CCNF: variants seen among roughly 807,000 people sequenced by gnomAD.
CCNF encodes the protein cyclin F, also known as cyclin-F.
A neutral mutation model predicts 85.4 loss-of-function variants in CCNF; 30 were observed. The observed-to-expected ratio is 0.35, with a 90% CI of 0.26 to 0.48. The LOEUF (loss-of-function observed/expected upper bound fraction) is 0.48. Among genes scored for constraint, CCNF ranks in the 20% least tolerant of loss-of-function variants. The pLI is 0.99. For missense variants in CCNF, 919 were observed against 1,010.4 expected (o/e 0.91, Z 1.23); for synonymous variants, 439 against 425.1 (o/e 1.03, Z -0.40).
At position 2,452,933 on chromosome 16, in the gene CCNF, C is replaced by T. The variant is rs542353558; in HGVS notation, c.1488-277C>T. 3.6e-5 allele frequency: 18 copies of T among 500,674 alleles called. No homozygotes were observed. Among genetic ancestry groups the T allele is most frequent in the South Asian group, 9.2e-5 (4 of 43,428 alleles). 31.0% of individuals were successfully genotyped at this position (500,674 alleles called of 1,614,324 possible). A position where few individuals can be genotyped will look rare whatever the true frequency, so the allele number is the denominator to read the frequency against. On this transcript the variant is annotated intron_variant, in intron 13 of 16. Coordinates refer to ENST00000397066, the MANE Select transcript of CCNF (RefSeq NM_001761.3). The surrounding 1 kb of genome is among the most constrained non-coding windows in gnomAD (Gnocchi z 4.1). ...ATGGACCACATGTGTTTATCCATCCCGCAGCTGGTGGACATTTTGCCTATT... is the reference window on the plus strand; with the variant it reads ...ATGGACCACATGTGTTTATCCATCCTGCAGCTGGTGGACATTTTGCCTATT...
chr16:2,432,949 G>A lies in CCNF; in HGVS notation c.172-12G>A, dbSNP rs771206972. On this transcript the variant is annotated splice_polypyrimidine_tract_variant and intron_variant, in intron 2 of 16. Transcript: ENST00000397066. ...CCTCCATCACCCAGCCCCGGCCCCC[G>A]TTGTTCTGCAGGTACACTCCCAGCT... is the stretch of plus-strand genomic sequence containing the variant. 44 of 1,564,710 alleles carry A rather than the reference G, an allele frequency of 2.8e-5. No individual in the cohort carries two copies. Among genetic ancestry groups the A allele is most frequent in the Admixed American group, 1.5e-4 (9 of 59,098 alleles).
rs1596935962 is a variant in CCNF, at chr16:2,458,096, G to C, written c.*1076G>C. The C allele has an allele frequency of 1.3e-5, 2 of 152,288 alleles. No homozygotes were observed. Among genetic ancestry groups the C allele is most frequent in the South Asian group, 2.1e-4 (1 of 4,828 alleles). 9.4% of individuals were successfully genotyped at this position (152,288 alleles called of 1,614,324 possible). ...TGCTCCTGCATGGAAAGGGAGCCTG[G>C]GAGCCAGCAGCCCACGCCTGGGGAG... On this transcript the variant is annotated 3_prime_UTR_variant, in exon 17 of 17. Transcript: ENST00000397066.
intron 3 of CCNF, among the ~76,000 whole-genome samples, chr16:2,434,170 G>A (rs1210244903): frequency 6.6e-6 from 1 of 152,058 alleles, no homozygotes. Flanking sequence ...GCTGGATGCG[G>A]TGATGGGCAC....
intron 10 of CCNF, among the ~76,000 whole-genome samples, chr16:2,446,594 C>T (rs923653651): frequency 2.0e-5 from 3 of 152,188 alleles, no homozygotes; most frequent in African/African-American, 4.8e-5. Context: ...CTACATTTCC[C>T]GAGGAAGTGC....
At position 2,451,676 on chromosome 16, in the gene CCNF, G is replaced by A. The variant is rs572589334; in HGVS notation, c.1488-1534G>A. On this transcript the variant is annotated intron_variant, in intron 13 of 16. Transcript: ENST00000397066. This position sits in a 1 kb window ranked among gnomAD's most constrained non-coding sequence, Gnocchi z 4.3. ...AGGGATTCTTTTGTGTCAGCCTCCC[G>A]AGTAGCAGAAACCACAGGCACCAGC... Among the ~76,000 whole-genome samples the A allele has an allele frequency of 1.5e-4, 23 of 152,174 alleles. No individual in the cohort carries two copies. In the South Asian group the frequency reaches 1.9e-3, roughly 12 times the overall value.
intron 10 of CCNF, among the ~76,000 whole-genome samples, chr16:2,447,338 A>G (rs1341980276): frequency 6.7e-6 from 1 of 148,758 alleles, no homozygotes; most frequent in Non-Finnish European, 1.5e-5. Context: ...TAATCCCAGC[A>G]CTTTGGGAGG....
chr16:2,449,184 A>T, intron 11 of CCNF, 98 bp from the exon 12 acceptor site: 1 of 1,501,246 alleles, frequency 6.7e-7, no homozygotes, highest in Non-Finnish European at 9.3e-7. Context: ...CATCGGCGTG[A>T]ACATCATCCG....
intron 8 of CCNF, among the ~76,000 whole-genome samples, chr16:2,441,437 C>T (rs1031921170): frequency 1.3e-5 from 2 of 151,980 alleles, no homozygotes. Context: ...ACGTAGTTCT[C>T]GTGGAAGTTC....
At chr16:2,448,633 C>T (rs544740302) in intron 10 of CCNF, among the ~76,000 whole-genome samples, 8 of 152,246 alleles carry the variant, frequency 5.3e-5, no homozygotes, top group Admixed American at 1.3e-4. Flanking sequence ...AGGGTGGTCT[C>T]GAACTCCTGG....
In CCNF at chr16:2,458,222, G is replaced by C. The variant is rs1035171586; in HGVS notation, c.*1202G>C. 1.3e-5 allele frequency: 2 copies of C among 150,718 alleles called. No individual in the cohort carries two copies. The highest frequency in any genetic ancestry group is 4.9e-5 in the African/African-American group (2 of 40,898). The allele number at this position is 150,718 out of a possible 1,614,324, so 9.3% of individuals were successfully genotyped here. A position where few individuals can be genotyped will look rare whatever the true frequency, so the allele number is the denominator to read the frequency against. ...CTGTTTACTCTGCAAATGTAAGAAA[G>C]AACCACTTGGCCAGAAGTGTCCCCC... On this transcript the variant is annotated 3_prime_UTR_variant, in exon 17 of 17. Transcript: ENST00000397066.
At chr16:2,429,545 C>T in intron 1 of CCNF, 48 bp downstream of exon 1, 1 of 1,226,700 alleles carries the variant, frequency 8.2e-7, no homozygotes. Context: ...ACCCCTTCTG[C>T]CTGCCCTGCG....
chr16:2,444,279 C>A (rs549260639), intron 9 of CCNF, among the ~76,000 whole-genome samples: 1 of 150,786 alleles, frequency 6.6e-6, no homozygotes, highest in South Asian at 2.1e-4. Flanking sequence ...AAGAAAATAT[C>A]CTACTCTGCT....
In CCNF at chr16:2,439,427, C is replaced by T. The variant is rs2065309300; in HGVS notation, c.669C>T (p.Tyr223=). ...AAHQGCLTSS[Y]LLWESDRRTD... The stretch of plus-strand genomic sequence containing the variant: ...ATCAGGGATGTCTGACCAGCTCCTA[C>T]CTCCTCTGGGAAAGCGACAGGAGGA... Residue 223 remains tyrosine, a synonymous_variant, in exon 7 of 17, where the codon TAC becomes TAT. Coordinates refer to ENST00000397066, the MANE Select transcript of CCNF (RefSeq NM_001761.3). 1 of 1,610,910 alleles carries T rather than the reference C, an allele frequency of 6.2e-7. No homozygotes were observed. The highest frequency in any genetic ancestry group is 8.5e-7 in the Non-Finnish European group (1 of 1,178,952).
rs1241822588 is a variant in CCNF, at chr16:2,451,150, G to C, written c.1487+1235G>C. ...TGCAGTTCATGAAGTCCCTACCGTG[G>C]TCCAGGCGCTGGGGGAGAGGGCAGG... On this transcript the variant is annotated intron_variant, in intron 13 of 16. Coordinates refer to ENST00000397066, the MANE Select transcript of CCNF (RefSeq NM_001761.3). This position sits in a 1 kb window ranked among gnomAD's most constrained non-coding sequence, Gnocchi z 4.3. Among the ~76,000 whole-genome samples, 1 of 152,246 alleles carries C rather than the reference G, an allele frequency of 6.6e-6. No homozygotes were observed.
At chr16:2,443,991 C>T (rs2065347121) in intron 9 of CCNF, among the ~76,000 whole-genome samples, 191 bp downstream of exon 9, 1 of 151,278 alleles carries the variant, frequency 6.6e-6, no homozygotes, top group African/African-American at 2.4e-5. Flanking sequence ...GCGATCTCAG[C>T]TCACTGCAAG....
At chr16:2,443,104 TATATA>T (rs1447503446) in intron 8 of CCNF, among the ~76,000 whole-genome samples, 38 of 132,532 alleles carry the variant, frequency 2.9e-4, no homozygotes, top group South Asian at 8.6e-4. Flanking sequence ...GATATTTTTA[TATATA>T]ATATATTACA....
chr16:2,445,422 G>T (rs376261035), intron 9 of CCNF, 36 bp from the exon 10 acceptor site: 3 of 1,610,646 alleles, frequency 1.9e-6, no homozygotes, highest in South Asian at 2.2e-5. Context: ...CATGGAGAAC[G>T]CCCCCACCAG....
chr16:2,451,428 C>T lies in CCNF; in HGVS notation c.1487+1513C>T, dbSNP rs1018545784. 3.3e-5 allele frequency among the ~76,000 whole-genome samples: 5 copies of T among 152,144 alleles called. No individual in the cohort carries two copies. In the East Asian group the frequency reaches 5.8e-4, roughly 18 times the overall value. ...GAATTTGTACCCGGCCAGCCATCTC[C>T]GTCTCCCCTCCTCAGCTGTGCTCAC... On this transcript the variant is annotated intron_variant, in intron 13 of 16. Transcript: ENST00000397066. The surrounding 1 kb of genome is among the most constrained non-coding windows in gnomAD (Gnocchi z 4.3).
At chr16:2,448,095 G>C (rs1422223591) in intron 10 of CCNF, among the ~76,000 whole-genome samples, 1 of 152,256 alleles carries the variant, frequency 6.6e-6, no homozygotes, top group Non-Finnish European at 1.5e-5. Flanking sequence ...CCATCGCCTA[G>C]AGACAGTCAG....
Sources: allele counts gnomAD v4.1 joint callset (sites outside exome capture counted in the v4.1 genomes callset), GRCh38; gene constraint gnomAD v4.1.1; non-coding constraint Gnocchi (gnomAD v3.1); transcripts MANE v1.5; gene names NCBI Gene and HGNC (gene_info 2026-07-23, HGNC 2026-07-21).